Variants in IGDCC3 observed in about 807,000 individuals in gnomAD.
IGDCC3 encodes the protein immunoglobulin superfamily DCC subclass member 3.
In IGDCC3, 47 loss-of-function variants were observed where a neutral mutation model predicts 72.0. The observed-to-expected ratio is 0.65, with a 90% CI of 0.52 to 0.83. The LOEUF (loss-of-function observed/expected upper bound fraction) is 0.83. IGDCC3 is among the 40% of genes least tolerant of loss of function. IGDCC3 has a pLI of 0.00. For synonymous variants in IGDCC3, 477 were observed against 472.8 expected, an observed-to-expected ratio of 1.01 and a Z score of -0.11; for missense variants, 1,038 against 1,091.3, an observed-to-expected ratio of 0.95 and a Z score of 0.69.
chr15:65,355,629 C>G (rs2091212512), intron 2 of IGDCC3: 9 of 331,956 alleles, frequency 2.7e-5, no homozygotes, highest in Non-Finnish European at 5.1e-5. Context: ...CGCCCCGGCC[C>G]GCGGCTAATC....
chr15:65,334,754 C>A lies in IGDCC3; in HGVS notation c.797G>T (p.Arg266Leu). 5.0e-6 allele frequency: 8 copies of A among 1,590,488 alleles called. No homozygotes were observed. Among genetic ancestry groups the A allele is most frequent in the Non-Finnish European group, 6.8e-6 (8 of 1,168,530 alleles). ...VLECVATGNP[R>L]PIVSWSRLDG... ...CAGGCGGCTCCAGGACACAATGGGGCGCGGGTTGCCCGTGGCGACACACTC... is the reference window on the plus strand; with the variant it reads ...CAGGCGGCTCCAGGACACAATGGGGAGCGGGTTGCCCGTGGCGACACACTC... The change falls in exon 5 of 14, where the codon CGC becomes CTC. Residue 266 changes from arginine to leucine, a missense_variant. Transcript: ENST00000327987.
intron 2 of IGDCC3, among the ~76,000 whole-genome samples, chr15:65,361,738 TTC>T (rs2091263079): frequency 6.6e-6 from 1 of 152,060 alleles, no homozygotes; most frequent in Admixed American, 6.6e-5. Flanking sequence ...GGGCACACAG[TTC>T]GATGACTTGA....
chr15:65,368,398 C>T (rs981260418), intron 2 of IGDCC3, among the ~76,000 whole-genome samples: 5 of 152,190 alleles, frequency 3.3e-5, no homozygotes, highest in Admixed American at 6.5e-5. Context: ...TGGCCGCTGA[C>T]AATGCCAGGA....
Position 65,330,402 on chromosome 15 carries a change from A to C in IGDCC3, c.1754-5T>G. ...CCTCATACACTGCAGTGGGGTCTGG[A>C]GGAAGGCAGGGCGGATGAGCAACTG... On this transcript the variant is annotated splice_polypyrimidine_tract_variant and splice_region_variant and intron_variant, in intron 10 of 13. Coordinates refer to ENST00000327987, the MANE Select transcript of IGDCC3 (RefSeq NM_004884.4). 6.2e-7 allele frequency: 1 copy of C among 1,610,132 alleles called. No individual in the cohort carries two copies. The highest frequency in any genetic ancestry group is 2.2e-5 in the East Asian group (1 of 44,776).
At position 65,328,955 on chromosome 15, in the gene IGDCC3, C is replaced by T; in HGVS notation, c.2399G>A (p.Arg800Lys). The T allele has an allele frequency of 5.1e-6, 8 of 1,582,912 alleles. No homozygotes were observed. The highest frequency in any genetic ancestry group is 6.0e-6 in the Non-Finnish European group (7 of 1,167,172). Residue 800 changes from arginine to lysine, a missense_variant, in exon 14 of 14, where the codon AGG becomes AAG. Arg to Lys is a conservative substitution (Grantham distance 26). Coordinates refer to ENST00000327987, the MANE Select transcript of IGDCC3 (RefSeq NM_004884.4). Reference protein sequence around the residue: ...PGLLSEGQASRPAAARVTQPA... With the variant: ...PGLLSEGQASKPAAARVTQPA... ...CTGGGTAACCCGGGCCGCTGCAGGCCTGGAAGCCTGGCCTTCACTGAGGAG... is the reference window on the plus strand; with the variant it reads ...CTGGGTAACCCGGGCCGCTGCAGGCTTGGAAGCCTGGCCTTCACTGAGGAG...
intron 5 of IGDCC3, among the ~76,000 whole-genome samples, chr15:65,334,165 C>T (rs2091004791): frequency 2.0e-5 from 3 of 152,216 alleles, no homozygotes; most frequent in African/African-American, 7.2e-5. Context: ...CCACCCCACC[C>T]CCTCCAGAGT....
intron 2 of IGDCC3, among the ~76,000 whole-genome samples, chr15:65,370,891 T>C (rs748186268): frequency 1.3e-5 from 2 of 152,198 alleles, no homozygotes; most frequent in Non-Finnish European, 2.9e-5. Context: ...CTCAAAGTGC[T>C]GGGATTTACA....
chr15:65,332,210 G>A (rs2090984630), intron 6 of IGDCC3, 104 bp from the exon 7 acceptor site: 4 of 1,352,820 alleles, frequency 3.0e-6, no homozygotes, highest in Non-Finnish European at 4.0e-6. Context: ...AGGGTGAGAG[G>A]TGGGCTCCAA....
At chr15:65,350,028 G>A (rs76441256) in intron 2 of IGDCC3, among the ~76,000 whole-genome samples, 8,553 of 152,208 alleles carry the variant, frequency 0.056, 358 homozygotes, top group Non-Finnish European at 0.09. Flanking sequence ...CTTTCTCTAA[G>A]CACATAGGAG....
intron 2 of IGDCC3, among the ~76,000 whole-genome samples, chr15:65,343,721 G>A (rs983855746): frequency 1.2e-4 from 19 of 152,330 alleles, no homozygotes; most frequent in African/African-American, 4.3e-4. Flanking sequence ...GAGTGCTAGT[G>A]GGGCACAGCT....
At chr15:65,363,655 G>A (rs908259440) in intron 2 of IGDCC3, among the ~76,000 whole-genome samples, 61 of 128,808 alleles carry the variant, frequency 4.7e-4, no homozygotes, top group Middle Eastern at 3.8e-3. Context: ...GCCCACCCCC[G>A]CCACCCGCCT....
chr15:65,375,074 G>C (rs1171270318), intron 2 of IGDCC3, 23 bp downstream of exon 2: 2 of 1,599,200 alleles, frequency 1.3e-6, no homozygotes, highest in Non-Finnish European at 1.7e-6. Flanking sequence ...TACACAAAGG[G>C]AAAACAAGGG....
At position 65,328,808 on chromosome 15, in the gene IGDCC3, G is replaced by T; in HGVS notation, c.*101C>A. On this transcript the variant is annotated 3_prime_UTR_variant, in exon 14 of 14. Transcript: ENST00000327987. The stretch of plus-strand genomic sequence containing the variant: ...GCAGTCAGGATAGAAATGCTGGGGA[G>T]CCCCCAGGACCATCCAAATCCCACA... 1 of 1,354,342 alleles carries T rather than the reference G, an allele frequency of 7.4e-7. No individual in the cohort carries two copies. Among genetic ancestry groups the T allele is most frequent in the Non-Finnish European group, 9.7e-7 (1 of 1,029,508 alleles). 83.9% of individuals were successfully genotyped at this position (1,354,342 alleles called of 1,614,324 possible). A position where few individuals can be genotyped will look rare whatever the true frequency, so the allele number is the denominator to read the frequency against.
chr15:65,330,990 G>A (rs2090972344), intron 9 of IGDCC3, 60 bp downstream of exon 9: 8 of 1,577,962 alleles, frequency 5.1e-6, no homozygotes, highest in Non-Finnish European at 6.9e-6. Context: ...GTGCATGGTG[G>A]TTCTGCTCTG....
chr15:65,341,370 C>T (rs1307093599), intron 2 of IGDCC3, among the ~76,000 whole-genome samples: 1 of 152,232 alleles, frequency 6.6e-6, no homozygotes, highest in African/African-American at 2.4e-5. Context: ...AGCAATCCCA[C>T]TTCTGGGTAT....
At chr15:65,366,883 T>C (rs563827501) in intron 2 of IGDCC3, among the ~76,000 whole-genome samples, 1 of 152,304 alleles carries the variant, frequency 6.6e-6, no homozygotes, top group South Asian at 2.1e-4. Context: ...TCCTTACATC[T>C]GAGGGCAGCC....
At chr15:65,330,205 T>C in intron 11 of IGDCC3, 88 bp downstream of exon 11, 1 of 985,404 alleles carries the variant, frequency 1.0e-6, no homozygotes, top group South Asian at 1.4e-5. Flanking sequence ...TCTAAGCCTG[T>C]GTTTTCAAGC....
intron 2 of IGDCC3, chr15:65,355,707 C>A: frequency 2.3e-6 from 1 of 431,464 alleles, no homozygotes; most frequent in South Asian, 1.6e-5. Context: ...CTGAATGGCG[C>A]TGGCTAATTA....
intron 2 of IGDCC3, among the ~76,000 whole-genome samples, chr15:65,364,462 C>T (rs939427170): frequency 1.3e-5 from 2 of 152,212 alleles, no homozygotes; most frequent in Non-Finnish European, 2.9e-5. Context: ...AGGTAGCCCT[C>T]ACACCTGCTG....
Sources: gnomAD v4.1 joint callset for allele counts (sites outside exome capture counted in the v4.1 genomes callset) on GRCh38, gnomAD v4.1.1 for gene constraint, MANE v1.5 for transcripts, NCBI Gene and HGNC (gene_info 2026-07-23, HGNC 2026-07-21) for gene names.